FARP1: variants seen among roughly 807,000 people sequenced by gnomAD.
FARP1 encodes FERM, ARHGEF and pleckstrin domain-containing protein 1.
In FARP1, 52 loss-of-function variants were observed where a neutral mutation model predicts 128.8. That is an observed-to-expected ratio of 0.40 (90% CI 0.32 to 0.51). The LOEUF (loss-of-function observed/expected upper bound fraction) is 0.51, where lower values mean the gene tolerates loss of function less well. FARP1 is among the 20% of genes least tolerant of loss of function. The pLI is 0.45. For synonymous variants in FARP1, 580 were observed against 551.8 expected (o/e 1.05, Z -0.72); for missense variants, 1,333 against 1,367.9 (o/e 0.97, Z 0.40).
chr13:98,266,559 G>A (rs868034478), intron 2 of FARP1, among the ~76,000 whole-genome samples: 1 of 152,306 alleles, frequency 6.6e-6, no homozygotes, highest in Middle Eastern at 3.4e-3. Flanking sequence ...CAAGAAGCAA[G>A]AGTTCTGGGT....
At chr13:98,383,521 T>C (rs2140032942) in intron 6 of FARP1, 1 of 152,352 alleles carries the variant, frequency 6.6e-6, no homozygotes. Flanking sequence ...GCTTGATTGC[T>C]GGAGTGCATT....
chr13:98,247,291 C>G (rs9556917), intron 2 of FARP1, among the ~76,000 whole-genome samples: 23,522 of 152,202 alleles, frequency 0.15, 2,735 homozygotes, highest in East Asian at 0.61. Context: ...TGCGTGCCAT[C>G]TACCAATAGT....
At chr13:98,429,551 T>TG (rs1269314470) in intron 17 of FARP1, among the ~76,000 whole-genome samples, 1 of 152,192 alleles carries the variant, frequency 6.6e-6, no homozygotes, top group Non-Finnish European at 1.5e-5. Flanking sequence ...TGATAGGACT[T>TG]GGGGACGGGT....
rs569538500 is a variant in FARP1, at chr13:98,263,570, A to G, written c.171+50157A>G. 4.6e-5 allele frequency among the ~76,000 whole-genome samples: 7 copies of G among 152,350 alleles called. No homozygotes were observed. The East Asian group carries it at 1.3e-3, about 29-fold the overall frequency. ...AATAACGAACATAATGAAGAAAATAAAAATCATCCATGATCCAGTGTGCAA... is the reference window on the plus strand; with the variant it reads ...AATAACGAACATAATGAAGAAAATAGAAATCATCCATGATCCAGTGTGCAA... On this transcript the variant is annotated intron_variant, in intron 2 of 26. Coordinates refer to ENST00000319562, the MANE Select transcript of FARP1 (RefSeq NM_005766.4).
intron 2 of FARP1, among the ~76,000 whole-genome samples, chr13:98,263,175 T>C (rs1883958745): frequency 6.6e-6 from 1 of 152,034 alleles, no homozygotes; most frequent in Non-Finnish European, 1.5e-5. Flanking sequence ...GCCTGGCTAA[T>C]TTTTGTACTT....
chr13:98,204,549 C>G (rs1369207907), intron 1 of FARP1, among the ~76,000 whole-genome samples: 1 of 151,496 alleles, frequency 6.6e-6, no homozygotes, highest in Non-Finnish European at 1.5e-5. Flanking sequence ...GTAAAGTTTA[C>G]TAATAATTGT....
intron 2 of FARP1, among the ~76,000 whole-genome samples, chr13:98,254,486 G>C (rs886839134): frequency 6.6e-6 from 1 of 152,198 alleles, no homozygotes; most frequent in African/African-American, 2.4e-5. Context: ...TCAATAAAAA[G>C]TGGGTATTCT....
intron 1 of FARP1, among the ~76,000 whole-genome samples, chr13:98,165,177 T>G (rs1158086360): frequency 7.8e-6 from 1 of 128,056 alleles, no homozygotes; most frequent in Admixed American, 1.0e-4. Flanking sequence ...ATTGAGCCAT[T>G]GCACTCCAGC....
intron 2 of FARP1, among the ~76,000 whole-genome samples, chr13:98,287,477 T>C (rs752232250): frequency 3.8e-4 from 57 of 151,636 alleles, no homozygotes; most frequent in Non-Finnish European, 7.5e-4. Context: ...GATCCGCCCA[T>C]CTCAGCCTCC....
At chr13:98,161,707 GT>G (rs1002753111) in intron 1 of FARP1, among the ~76,000 whole-genome samples, 23 of 152,098 alleles carry the variant, frequency 1.5e-4, no homozygotes, top group Admixed American at 1.5e-3. Flanking sequence ...GGACTATGAA[GT>G]CCCTACCTTC....
rs138479366 is a variant in FARP1 at position 98,219,609 on chromosome 13, G to T, written c.171+6196G>T. Among the ~76,000 whole-genome samples the T allele has an allele frequency of 3.8e-3, 577 of 152,048 alleles. 5 individuals carry two copies. Among genetic ancestry groups the T allele is most frequent in the African/African-American group, 0.013 (557 of 41,470 alleles). ...TGGCCTCCCAAAGTATTGGGATGAC[G>T]GGCATGAGCCACTGCACCCAGCCAC... On this transcript the variant is annotated intron_variant, in intron 2 of 26. Transcript: ENST00000319562.
intron 2 of FARP1, among the ~76,000 whole-genome samples, chr13:98,268,879 A>T (rs1240367311): frequency 6.7e-6 from 1 of 150,226 alleles, no homozygotes; most frequent in Non-Finnish European, 1.5e-5. Context: ...GCTAATTTTT[A>T]TTTATTTTTA....
At chr13:98,331,090 G>T (rs1407684984) in intron 2 of FARP1, among the ~76,000 whole-genome samples, 1 of 152,206 alleles carries the variant, frequency 6.6e-6, no homozygotes, top group Non-Finnish European at 1.5e-5. Context: ...AAACAAAGCA[G>T]AAGCATCTTA....
chr13:98,395,305 C>A lies in FARP1; in HGVS notation c.1243C>A (p.Pro415Thr). The A allele has an allele frequency of 6.2e-7, 1 of 1,610,240 alleles. No individual in the cohort carries two copies. The highest frequency in any genetic ancestry group is 8.5e-7 in the Non-Finnish European group (1 of 1,177,416). ...CCAGAGCTGCCGGCGAGGAAAGGAA[C>A]CGAAGGTTTCCGCCGGGGAGCCGGG... ...GGQSCRRGKE[P>T]KVSAGEPGSH... Residue 415 changes from proline to threonine, a missense_variant, in exon 13 of 27, where the codon CCG becomes ACG. This residue lies in a region of FARP1 where 1,009 missense variants were observed against 969.8 expected (regional missense o/e 1.04). Transcript: ENST00000319562.
chr13:98,192,089 T>TA (rs34571770), intron 1 of FARP1, among the ~76,000 whole-genome samples: 94 of 151,164 alleles, frequency 6.2e-4, no homozygotes, highest in Middle Eastern at 6.8e-3. Flanking sequence ...TTAAATTCTT[T>TA]AAAAAAAAAA....
intron 1 of FARP1, among the ~76,000 whole-genome samples, chr13:98,181,320 T>G (rs910548374): frequency 2.0e-5 from 3 of 152,216 alleles, no homozygotes; most frequent in Non-Finnish European, 4.4e-5. Flanking sequence ...ATGACCTAAC[T>G]GCCCTGGATT....
intron 16 of FARP1, among the ~76,000 whole-genome samples, chr13:98,415,890 T>C (rs1348847676): frequency 6.6e-6 from 1 of 152,258 alleles, no homozygotes; most frequent in Non-Finnish European, 1.5e-5. Flanking sequence ...CATGGGGCTG[T>C]CTTCAGCTGT....
chr13:98,356,772 C>T (rs1383274723), intron 3 of FARP1, among the ~76,000 whole-genome samples: 2 of 151,746 alleles, frequency 1.3e-5, no homozygotes, highest in African/African-American at 4.8e-5. Context: ...CTAACTGGGA[C>T]TATAGGTGCC....
chr13:98,323,402 C>G (rs1036340062), intron 2 of FARP1, among the ~76,000 whole-genome samples: 1 of 125,724 alleles, frequency 8.0e-6, no homozygotes, highest in Non-Finnish European at 1.7e-5. Flanking sequence ...TTTTTTTTTT[C>G]TAATGAGTTT....
Sources: allele counts gnomAD v4.1 joint callset (sites outside exome capture counted in the v4.1 genomes callset), GRCh38; gene constraint gnomAD v4.1.1; regional missense constraint gnomAD v4.1.1; transcripts MANE v1.5; gene names NCBI Gene and HGNC (gene_info 2026-07-23, HGNC 2026-07-21).